ZNF831: variants seen among roughly 807,000 people sequenced by gnomAD.
The protein encoded by ZNF831 is zinc finger protein 831.
In ZNF831, 59 loss-of-function variants were observed where a neutral mutation model predicts 95.8. That is an observed-to-expected ratio of 0.62 (90% CI 0.50 to 0.77). The LOEUF is 0.77. Among genes scored for constraint, ZNF831 ranks in the 30% least tolerant of loss-of-function variants. The pLI is 0.00. For synonymous variants in ZNF831, 961 were observed against 925.5 expected (o/e 1.04, Z -0.70); for missense variants, 2,205 against 2,164.0 (o/e 1.02, Z -0.38).
intron 4 of ZNF831, among the ~76,000 whole-genome samples, chr20:59,225,637 C>G (rs1359025544): frequency 6.6e-6 from 1 of 152,160 alleles, no homozygotes; most frequent in Non-Finnish European, 1.5e-5. Context: ...AGCAGACGAT[C>G]AAACTCTGAA....
In ZNF831 at chr20:59,180,528, G is replaced by A. The variant is rs117835681; in HGVS notation, c.-36-10456G>A. On this transcript the variant is annotated intron_variant, in intron 1 of 5. Transcript: ENST00000371030. The stretch of plus-strand genomic sequence containing the variant: ...AATGGTCTCCCTCCCCTTCCCCCCC[G>A]GCAACCCCACGACAGGCTCTGGTGT... 1.1e-3 allele frequency among the ~76,000 whole-genome samples: 168 copies of A among 151,136 alleles called. 1 individual carries two copies. The East Asian group carries it at 0.03, about 27-fold the overall frequency.
chr20:59,123,972 C>T (rs1310986256), intron 1 of ZNF831, among the ~76,000 whole-genome samples: 2 of 152,170 alleles, frequency 1.3e-5, no homozygotes, highest in African/African-American at 4.8e-5. Flanking sequence ...ACTAGCTTAG[C>T]CAGGGCACAC....
intron 1 of ZNF831, among the ~76,000 whole-genome samples, chr20:59,185,844 T>C (rs1360180118): frequency 6.6e-6 from 1 of 152,196 alleles, no homozygotes; most frequent in Non-Finnish European, 1.5e-5. Flanking sequence ...AGGAGGCTTG[T>C]ACTCATCCAG....
chr20:59,144,454 C>T (rs1430134416), intron 1 of ZNF831, among the ~76,000 whole-genome samples: 4 of 152,108 alleles, frequency 2.6e-5, no homozygotes, highest in South Asian at 4.1e-4. Flanking sequence ...GGCTTCTACC[C>T]GCTAGAGGCC....
intron 4 of ZNF831, among the ~76,000 whole-genome samples, chr20:59,221,987 C>T (rs1472313737): frequency 3.3e-5 from 5 of 152,104 alleles, no homozygotes; most frequent in African/African-American, 9.7e-5. Context: ...TTTTTTTCCC[C>T]TACCTAAAGG....
At chr20:59,171,374 A>G (rs191496897) in intron 1 of ZNF831, among the ~76,000 whole-genome samples, 61 of 152,380 alleles carry the variant, frequency 4.0e-4, no homozygotes, top group African/African-American at 1.4e-3. Flanking sequence ...CTGAGAGGCA[A>G]TAAATTTCTA....
chr20:59,233,439 T>C (rs1199019871), intron 4 of ZNF831, among the ~76,000 whole-genome samples: 1 of 152,090 alleles, frequency 6.6e-6, no homozygotes, highest in Non-Finnish European at 1.5e-5. Flanking sequence ...GGGAACTCAA[T>C]AGGGTCTGTT....
chr20:59,182,405 A>C lies in ZNF831; in HGVS notation c.-36-8579A>C, dbSNP rs147794809. ...TTAATCCTCGTTATCCACATTTTAC[A>C]AATGAAAATCCTGAGGTTAGGGAAC... is the stretch of plus-strand genomic sequence containing the variant. On this transcript the variant is annotated intron_variant, in intron 1 of 5. Transcript: ENST00000371030. Among the ~76,000 whole-genome samples the C allele has an allele frequency of 2.7e-3, 412 of 152,324 alleles. 6 individuals carry two copies. Among genetic ancestry groups the C allele is most frequent in the African/African-American group, 9.4e-3 (389 of 41,562 alleles).
Position 59,253,248 on chromosome 20 carries a change from A to C in ZNF831, c.4188+110A>C, listed in dbSNP as rs993303551. 8 of 1,244,248 alleles carry C rather than the reference A, an allele frequency of 6.4e-6. No individual in the cohort carries two copies. The East Asian group carries it at 1.6e-4, about 26-fold the overall frequency. The allele number at this position is 1,244,248 out of a possible 1,614,324, so 77.1% of individuals were successfully genotyped here. Reference sequence around the variant, plus strand: ...TGGCAGAACTTGCTCGGATCACCTTATGAAGATTCGTGGCACAGAAAGCCC... The same window carrying C: ...TGGCAGAACTTGCTCGGATCACCTTCTGAAGATTCGTGGCACAGAAAGCCC... On this transcript the variant is annotated intron_variant, in intron 5 of 5. Transcript: ENST00000371030.
At chr20:59,138,848 G>T (rs1979589370) in intron 1 of ZNF831, among the ~76,000 whole-genome samples, 1 of 152,200 alleles carries the variant, frequency 6.6e-6, no homozygotes, top group South Asian at 2.1e-4. Flanking sequence ...GCTTGATTCT[G>T]CAGCATGATC....
At chr20:59,150,010 C>T (rs1980133609) in intron 2 of ZNF831, among the ~76,000 whole-genome samples, 1 of 152,258 alleles carries the variant, frequency 6.6e-6, no homozygotes, top group Non-Finnish European at 1.5e-5. Context: ...ACGGGCCTCA[C>T]ATCCTGAGAG....
chr20:59,144,461 G>A (rs1051101257), intron 1 of ZNF831, among the ~76,000 whole-genome samples: 2 of 152,158 alleles, frequency 1.3e-5, no homozygotes, highest in African/African-American at 4.8e-5. Context: ...ACCCGCTAGA[G>A]GCCTAGCACC....
chr20:59,162,957 G>A (rs147211415), upstream of ZNF831, among the ~76,000 whole-genome samples: 227 of 151,658 alleles, frequency 1.5e-3, no homozygotes, highest in African/African-American at 5.4e-3. Flanking sequence ...TCTTTCAGTA[G>A]TATTTTGTAG....
At chr20:59,238,111 C>A (rs1180681389) in intron 4 of ZNF831, among the ~76,000 whole-genome samples, 2 of 152,152 alleles carry the variant, frequency 1.3e-5, no homozygotes, top group African/African-American at 4.8e-5. Flanking sequence ...GCGGTAGAGA[C>A]CTCGGACCCT....
In ZNF831 at chr20:59,169,661, A is replaced by G. The variant is rs1981568912; in HGVS notation, c.-37+5454A>G. Among the ~76,000 whole-genome samples, 1 of 152,124 alleles carries G rather than the reference A, an allele frequency of 6.6e-6. No individual in the cohort carries two copies. Among genetic ancestry groups the G allele is most frequent in the African/African-American group, 2.4e-5 (1 of 41,414 alleles). ...CGCACCTGTAATCCCAGCATGTTGC[A>G]AGCTGAGGCAGGAGGATCAGTTGAG... On this transcript the variant is annotated intron_variant, in intron 1 of 5. Transcript: ENST00000371030. The surrounding 1 kb of genome is among the most constrained non-coding windows in gnomAD (Gnocchi z 4.1).
intron 2 of ZNF831, among the ~76,000 whole-genome samples, chr20:59,158,223 C>T (rs576237076): frequency 2.0e-5 from 3 of 152,308 alleles, no homozygotes; most frequent in South Asian, 4.1e-4. Context: ...GCGATTACTC[C>T]GGGGGAGCAT....
rs746332500 is a variant in ZNF831, at chr20:59,194,689, C to T, written c.3670C>T (p.Pro1224Ser). ...CCTCCGAGATGAGGGTCCCAATGGC[C>T]CTCCTGGGAGCAATGGAGGATGGAC... The part of the protein sequence containing the change: ...SSLRDEGPNG[P>S]PGSNGGWTWT... Residue 1224 changes from proline to serine, a missense_variant, in exon 2 of 6, where the codon CCT (proline) becomes TCT (serine). Coordinates refer to ENST00000371030, the MANE Select transcript of ZNF831 (RefSeq NM_178457.3). 2 of 1,610,394 alleles carry T rather than the reference C, an allele frequency of 1.2e-6. No individual in the cohort carries two copies. The highest frequency in any genetic ancestry group is 4.5e-5 in the East Asian group (2 of 44,886).
intron 1 of ZNF831, among the ~76,000 whole-genome samples, chr20:59,133,728 T>C (rs1485245430): frequency 6.6e-6 from 1 of 152,192 alleles, no homozygotes; most frequent in Non-Finnish European, 1.5e-5. Context: ...CTCCCTGCAT[T>C]CTGTCATTTT....
Position 59,255,037 on chromosome 20 carries a change from A to G in ZNF831, c.*294A>G, listed in dbSNP as rs1988113100. 3.6e-6 allele frequency: 1 copy of G among 279,448 alleles called. No homozygotes were observed. The highest frequency in any genetic ancestry group is 2.2e-5 in the African/African-American group (1 of 46,384). 17.3% of individuals were successfully genotyped at this position (279,448 alleles called of 1,614,324 possible). ...CAACGTGCACAGTGACTGGGCCTTG[A>G]CTCCCAGCCTCGTCTTCTGCACCTG... is the stretch of plus-strand genomic sequence containing the variant. On this transcript the variant is annotated 3_prime_UTR_variant, in exon 6 of 6. Transcript: ENST00000371030.
Sources: allele counts gnomAD v4.1 joint callset (sites outside exome capture counted in the v4.1 genomes callset), GRCh38; gene constraint gnomAD v4.1.1; non-coding constraint Gnocchi (gnomAD v3.1); transcripts MANE v1.5; gene names NCBI Gene and HGNC (gene_info 2026-07-23, HGNC 2026-07-21).